RBPJ: variants seen among roughly 807,000 people sequenced by gnomAD.
The protein encoded by RBPJ is recombining binding protein suppressor of hairless.
A neutral mutation model predicts 67.8 loss-of-function variants in RBPJ; 9 were observed. The ratio of observed to expected loss-of-function variants is 0.13; its 90% CI spans 0.08 to 0.23. RBPJ has a LOEUF of 0.23. Ranked by LOEUF, RBPJ falls within the 10% of genes least tolerant of loss-of-function variation. The pLI is 1.00. For synonymous variants in RBPJ, 198 were observed against 203.3 expected (o/e 0.97, Z 0.22); for missense variants, 305 against 595.6 (o/e 0.51, Z 5.08).
At chr4:26,306,250 G>A (rs1049287535) in intron 1 of RBPJ, among the ~76,000 whole-genome samples, 1 of 151,992 alleles carries the variant, frequency 6.6e-6, no homozygotes, top group Admixed American at 6.6e-5. Flanking sequence ...AATAGAATTG[G>A]TGAGAGTGGA....
intron 1 of RBPJ, among the ~76,000 whole-genome samples, chr4:26,251,472 C>G (rs1454383938): frequency 6.6e-6 from 1 of 151,844 alleles, no homozygotes; most frequent in African/African-American, 2.4e-5. Flanking sequence ...CCTGTGTCTA[C>G]TAAAATTACA....
intron 1 of RBPJ, among the ~76,000 whole-genome samples, chr4:26,251,666 G>T (rs1427342007): frequency 1.3e-5 from 2 of 150,612 alleles, no homozygotes; most frequent in Non-Finnish European, 3.0e-5. Context: ...TGGCTAACAT[G>T]GTGAAACCCC....
At chr4:26,310,665 C>CTT (rs11289709) in intron 1 of RBPJ, among the ~76,000 whole-genome samples, 8 of 107,452 alleles carry the variant, frequency 7.4e-5, no homozygotes, top group South Asian at 2.7e-4. Context: ...CCTGTTTTAA[C>CTT]TTTTTTTTTT....
intron 2 of RBPJ, among the ~76,000 whole-genome samples, chr4:26,388,825 C>CAT (rs996287449): frequency 6.6e-6 from 1 of 152,062 alleles, no homozygotes; most frequent in African/African-American, 2.4e-5. Flanking sequence ...CAGGTGACCT[C>CAT]ATATATATGT....
chr4:26,350,296 C>CTA (rs1483988676), intron 1 of RBPJ, among the ~76,000 whole-genome samples: 1 of 152,146 alleles, frequency 6.6e-6, no homozygotes, highest in Non-Finnish European at 1.5e-5. Context: ...CCACTCTGCC[C>CTA]TATGATCCTC....
At chr4:26,230,099 A>C (rs1719224927) in intron 1 of RBPJ, among the ~76,000 whole-genome samples, 1 of 151,940 alleles carries the variant, frequency 6.6e-6, no homozygotes, top group South Asian at 2.1e-4. Context: ...TTGAGGTGGG[A>C]GGATCAAGGG....
chr4:26,210,752 C>CTTCTTTCCTTCTTTCCTTCT (rs1553849171), intron 1 of RBPJ, among the ~76,000 whole-genome samples: 2 of 47,336 alleles, frequency 4.2e-5, no homozygotes, highest in African/African-American at 1.7e-4. Context: ...TCCTTCTTTC[C>CTTCTTTCCTTCTTTCCTTCT]TTCTTTCTTT....
At position 26,294,743 on chromosome 4, in the gene RBPJ, A is replaced by T. The variant is rs527697738; in HGVS notation, c.-166-67703A>T. On this transcript the variant is annotated intron_variant, in intron 1 of 4. Transcript: ENST00000512351. Reference sequence around the variant, plus strand: ...AAAAATACAAAAAAATTAGCCGGGCATGGTGGTGTGTGCCTGTAATCCCAG... The same window carrying T: ...AAAAATACAAAAAAATTAGCCGGGCTTGGTGGTGTGTGCCTGTAATCCCAG... 1.2e-3 allele frequency among the ~76,000 whole-genome samples: 185 copies of T among 152,026 alleles called. 1 individual carries two copies. Among genetic ancestry groups the T allele is most frequent in the Non-Finnish European group, 9.4e-4 (64 of 67,968 alleles).
chr4:26,131,195 T>A, the RBPJ span, among the ~76,000 whole-genome samples: 1 of 152,200 alleles, frequency 6.6e-6, no homozygotes, highest in Non-Finnish European at 1.5e-5. Flanking sequence ...AGTGCCATTG[T>A]GATAAAAACA....
At chr4:26,375,214 A>C (rs1688812161) in intron 1 of RBPJ, among the ~76,000 whole-genome samples, 1 of 150,232 alleles carries the variant, frequency 6.7e-6, no homozygotes, top group Admixed American at 6.7e-5. Flanking sequence ...GGATCACTTC[A>C]GCCTGTGGAG....
At chr4:26,376,909 A>T (rs960982175) in intron 1 of RBPJ, among the ~76,000 whole-genome samples, 2 of 152,110 alleles carry the variant, frequency 1.3e-5, no homozygotes, top group African/African-American at 4.8e-5. Context: ...GCATCTTTTC[A>T]TGTGCTTATT....
chr4:26,197,998 C>A (rs542429028), intron 1 of RBPJ, among the ~76,000 whole-genome samples: 1 of 152,116 alleles, frequency 6.6e-6, no homozygotes, highest in Non-Finnish European at 1.5e-5. Flanking sequence ...CACTTCACAC[C>A]TGTAATCCCA....
chr4:26,175,488 G>A (rs6847292), intron 1 of RBPJ, among the ~76,000 whole-genome samples: 2,187 of 152,296 alleles, frequency 0.014, 59 homozygotes, highest in African/African-American at 0.049. Flanking sequence ...CAGGTTTCCC[G>A]CAAGTTGCAG....
rs376497316 is a variant in RBPJ at position 26,379,239 on chromosome 4, G to C, written c.21-7114G>C. On this transcript the variant is annotated intron_variant, in intron 1 of 10. Transcript: ENST00000355476. The stretch of plus-strand genomic sequence containing the variant: ...CTGTTGCCCAGGCTGGAGTACAGTG[G>C]TGGGATCATAGCTCACTGCAGCCTG... 6.6e-5 allele frequency among the ~76,000 whole-genome samples: 10 copies of C among 151,882 alleles called. No individual in the cohort carries two copies. In the East Asian group the frequency reaches 1.4e-3, roughly 21 times the overall value.
intron 1 of RBPJ, among the ~76,000 whole-genome samples, chr4:26,281,116 A>G (rs1721259561): frequency 6.6e-6 from 1 of 152,222 alleles, no homozygotes; most frequent in Non-Finnish European, 1.5e-5. Context: ...AAAACAATTT[A>G]TACTAAAAAT....
chr4:26,425,490 C>T (rs917974913), intron 7 of RBPJ, among the ~76,000 whole-genome samples: 1 of 151,862 alleles, frequency 6.6e-6, no homozygotes, highest in African/African-American at 2.4e-5. Flanking sequence ...CATGGTGGTG[C>T]ACACCTGTAG....
intron 1 of RBPJ, among the ~76,000 whole-genome samples, chr4:26,208,775 T>A (rs1718257933): frequency 6.6e-6 from 1 of 152,202 alleles, no homozygotes; most frequent in Non-Finnish European, 1.5e-5. Context: ...TGCTCTGTAC[T>A]CTTACATACA....
upstream of RBPJ, chr4:26,320,014 C>T (rs765363904): frequency 3.7e-6 from 3 of 802,004 alleles, no homozygotes; most frequent in Non-Finnish European, 6.0e-6. Flanking sequence ...GCAGCGTCCT[C>T]GGCTGTGCCA....
chr4:26,203,553 G>C (rs758095699), intron 1 of RBPJ, among the ~76,000 whole-genome samples: 2 of 152,086 alleles, frequency 1.3e-5, no homozygotes, highest in Non-Finnish European at 2.9e-5. Context: ...GGTGAGAGAA[G>C]GGACTTCTCT....
Sources: allele counts gnomAD v4.1 joint callset (sites outside exome capture counted in the v4.1 genomes callset), GRCh38; gene constraint gnomAD v4.1.1; transcripts MANE v1.5; gene names NCBI Gene and HGNC (gene_info 2026-07-23, HGNC 2026-07-21).